Variants in NKAIN3 observed in about 807,000 individuals in gnomAD.
NKAIN3 encodes the protein sodium/potassium transporting ATPase interacting 3, also known as sodium/potassium-transporting ATPase subunit beta-1-interacting protein 3.
In NKAIN3, 25 loss-of-function variants were observed where a neutral mutation model predicts 30.2. That is an observed-to-expected ratio of 0.83 (90% CI 0.60 to 1.16). The LOEUF is 1.16. Among genes scored for constraint, NKAIN3 ranks in the 50% most tolerant of loss-of-function variants. NKAIN3 has a pLI of 0.00. For missense variants in NKAIN3, 225 were observed against 254.1 expected (o/e 0.89, Z 0.78); for synonymous variants, 91 against 89.6 (o/e 1.02, Z -0.09).
intron 3 of NKAIN3, among the ~76,000 whole-genome samples, chr8:62,641,776 G>A (rs1257863854): frequency 1.3e-5 from 2 of 152,098 alleles, no homozygotes; most frequent in Admixed American, 6.5e-5. Flanking sequence ...GTGTGAGAAC[G>A]AATAAATGAA....
At chr8:62,319,678 T>A (rs2129589288) in intron 1 of NKAIN3, among the ~76,000 whole-genome samples, 1 of 152,350 alleles carries the variant, frequency 6.6e-6, no homozygotes, top group East Asian at 1.9e-4. Flanking sequence ...CTAGTTTGAT[T>A]GCACTGTGGT....
chr8:62,265,181 T>C (rs1385808754), intron 1 of NKAIN3, among the ~76,000 whole-genome samples: 1 of 152,232 alleles, frequency 6.6e-6, no homozygotes, highest in African/African-American at 2.4e-5. Context: ...TATTTAAAAC[T>C]GCTACCTCGG....
chr8:62,975,142 C>T lies in NKAIN3; in HGVS notation c.*9735C>T, dbSNP rs1239438427. ...ATTTTCATTTTTTGTTGTGTCTCTG[C>T]CTGGGATTGGTATCAGAATGATGCT... On this transcript the variant is annotated 3_prime_UTR_variant, in exon 7 of 7. Transcript: ENST00000623646. Among the ~76,000 whole-genome samples the T allele has an allele frequency of 6.6e-6, 1 of 152,030 alleles. No individual in the cohort carries two copies. Among genetic ancestry groups the T allele is most frequent in the Non-Finnish European group, 1.5e-5 (1 of 68,014 alleles).
chr8:62,772,093 A>G (rs895793325), intron 4 of NKAIN3, among the ~76,000 whole-genome samples: 4 of 152,058 alleles, frequency 2.6e-5, no homozygotes, highest in Non-Finnish European at 4.4e-5. Flanking sequence ...CAATTATTCT[A>G]CTTTCTCTCT....
chr8:62,671,368 C>T (rs1307883927), intron 3 of NKAIN3, among the ~76,000 whole-genome samples: 3 of 151,962 alleles, frequency 2.0e-5, no homozygotes, highest in Non-Finnish European at 2.9e-5. Flanking sequence ...AACTTAGTGC[C>T]GAGATTGTAT....
intron 1 of NKAIN3, among the ~76,000 whole-genome samples, chr8:62,555,114 A>G (rs1469207701): frequency 6.6e-6 from 1 of 151,172 alleles, no homozygotes; most frequent in Non-Finnish European, 1.5e-5. Flanking sequence ...TAATTATTTC[A>G]CTGTGAATAT....
At chr8:62,628,552 A>G (rs541072607) in intron 3 of NKAIN3, among the ~76,000 whole-genome samples, 109 of 152,252 alleles carry the variant, frequency 7.2e-4, no homozygotes, top group African/African-American at 2.2e-3. Flanking sequence ...ATACAATGCT[A>G]AATCATTGTT....
At chr8:62,361,292 TATGG>T (rs1816552551) in intron 1 of NKAIN3, among the ~76,000 whole-genome samples, 1 of 152,262 alleles carries the variant, frequency 6.6e-6, no homozygotes, top group Admixed American at 6.5e-5. Flanking sequence ...ATCTTATGTT[TATGG>T]ATGATTTGTT....
chr8:62,835,542 A>G (rs1221973572), intron 4 of NKAIN3, among the ~76,000 whole-genome samples: 2 of 152,178 alleles, frequency 1.3e-5, no homozygotes, highest in Non-Finnish European at 2.9e-5. Context: ...ATTTGAACAG[A>G]CACTTTTTGA....
chr8:62,903,574 T>C (rs1012209061), intron 4 of NKAIN3, among the ~76,000 whole-genome samples: 10 of 151,992 alleles, frequency 6.6e-5, no homozygotes, highest in Non-Finnish European at 1.5e-5. Context: ...CCACAAAGCA[T>C]GGGGAGATGA....
At chr8:62,416,379 T>G (rs1332397798) in intron 1 of NKAIN3, among the ~76,000 whole-genome samples, 1 of 152,216 alleles carries the variant, frequency 6.6e-6, no homozygotes, top group African/African-American at 2.4e-5. Context: ...TTTATTCTCC[T>G]TCAAAAAAGT....
chr8:62,798,718 T>C (rs181319104), intron 4 of NKAIN3, among the ~76,000 whole-genome samples: 4 of 152,238 alleles, frequency 2.6e-5, no homozygotes, highest in African/African-American at 9.6e-5. Flanking sequence ...AGAACTGAGA[T>C]AATAAATTGT....
At chr8:62,278,592 T>A (rs1043643705) in intron 1 of NKAIN3, among the ~76,000 whole-genome samples, 4 of 145,472 alleles carry the variant, frequency 2.7e-5, no homozygotes, top group Non-Finnish European at 6.1e-5. Context: ...AGTGTTCTCA[T>A]TGTTCAGTTC....
chr8:62,458,935 C>G (rs1326438499), intron 1 of NKAIN3, among the ~76,000 whole-genome samples: 1 of 152,006 alleles, frequency 6.6e-6, no homozygotes, highest in Non-Finnish European at 1.5e-5. Context: ...TTTATCTTTC[C>G]TGTGAGATTT....
At chr8:62,938,151 T>C (rs954599995) in intron 5 of NKAIN3, among the ~76,000 whole-genome samples, 1 of 152,028 alleles carries the variant, frequency 6.6e-6, no homozygotes, top group African/African-American at 2.4e-5. Context: ...CATAATATCT[T>C]GGGAGCTCTA....
chr8:62,794,530 A>C (rs1299695248), intron 4 of NKAIN3, among the ~76,000 whole-genome samples: 5 of 152,116 alleles, frequency 3.3e-5, no homozygotes, highest in Non-Finnish European at 5.9e-5. Context: ...GTTCTTACAT[A>C]TCTATTAAAG....
intron 1 of NKAIN3, among the ~76,000 whole-genome samples, chr8:62,420,400 T>C (rs980075619): frequency 1.3e-5 from 2 of 152,202 alleles, no homozygotes; most frequent in East Asian, 3.9e-4. Context: ...CAGCCAAGCA[T>C]TCATTTTTTA....
intron 3 of NKAIN3, among the ~76,000 whole-genome samples, chr8:62,712,097 T>TG (rs2130495792): frequency 6.6e-6 from 1 of 152,312 alleles, no homozygotes; most frequent in South Asian, 2.1e-4. Flanking sequence ...GAACCATCTA[T>TG]GGGTTTCTCA....
chr8:62,853,624 C>T (rs1399410487), intron 4 of NKAIN3, among the ~76,000 whole-genome samples: 1 of 152,010 alleles, frequency 6.6e-6, no homozygotes, highest in Non-Finnish European at 1.5e-5. Context: ...AGCTATCAGT[C>T]TATCTATTTT....
Sources: allele counts gnomAD v4.1 joint callset (sites outside exome capture counted in the v4.1 genomes callset), GRCh38; gene constraint gnomAD v4.1.1; transcripts MANE v1.5; gene names NCBI Gene and HGNC (gene_info 2026-07-23, HGNC 2026-07-21).